ZNF804B: variants seen among roughly 807,000 people sequenced by gnomAD.
ZNF804B encodes the protein zinc finger 804B.
In ZNF804B, 80 loss-of-function variants were observed where a neutral mutation model predicts 101.4. That is an observed-to-expected ratio of 0.79 (90% CI 0.66 to 0.95). The LOEUF (loss-of-function observed/expected upper bound fraction) is 0.95, where lower values mean the gene tolerates loss of function less well. Ranked by LOEUF, ZNF804B falls within the 40% of genes least tolerant of loss-of-function variation. The pLI, the probability that ZNF804B is intolerant of heterozygous loss-of-function variation, is 0.00. For synonymous variants in ZNF804B, 622 were observed against 558.8 expected (o/e 1.11, Z -1.59); for missense variants, 1,673 against 1,561.9 (o/e 1.07, Z -1.20).
At chr7:89,115,749 C>T (rs914041493) in intron 1 of ZNF804B, among the ~76,000 whole-genome samples, 9 of 152,066 alleles carry the variant, frequency 5.9e-5, no homozygotes, top group Non-Finnish European at 4.4e-5. Flanking sequence ...GTGCAATGAA[C>T]TTTAGTATGA....
At chr7:88,863,405 C>T (rs1049052051) in intron 1 of ZNF804B, among the ~76,000 whole-genome samples, 3 of 152,110 alleles carry the variant, frequency 2.0e-5, no homozygotes, top group Admixed American at 6.6e-5. Context: ...TAATTATATT[C>T]ACTCATTGAA....
At chr7:88,811,465 A>C (rs1274027686) in intron 1 of ZNF804B, among the ~76,000 whole-genome samples, 1 of 152,194 alleles carries the variant, frequency 6.6e-6, no homozygotes, top group East Asian at 1.9e-4. Flanking sequence ...TAGCAATCCC[A>C]TTACTGTGTA....
intron 1 of ZNF804B, among the ~76,000 whole-genome samples, chr7:89,151,786 G>A (rs893297275): frequency 6.6e-6 from 1 of 152,048 alleles, no homozygotes; most frequent in African/African-American, 2.4e-5. Context: ...CTTTAACATG[G>A]CAATGGTATG....
chr7:89,073,727 A>G (rs1313324823), intron 1 of ZNF804B, among the ~76,000 whole-genome samples: 1 of 152,020 alleles, frequency 6.6e-6, no homozygotes, highest in African/African-American at 2.4e-5. Context: ...GTTATGTGGA[A>G]CTCATCTGTG....
At chr7:89,023,509 G>C (rs149490759) in intron 1 of ZNF804B, among the ~76,000 whole-genome samples, 13 of 152,100 alleles carry the variant, frequency 8.5e-5, no homozygotes, top group Non-Finnish European at 1.5e-4. Context: ...ATGGCATTTT[G>C]GTCCTTAAAT....
intron 1 of ZNF804B, among the ~76,000 whole-genome samples, chr7:89,027,016 A>T (rs986018123): frequency 1.1e-4 from 16 of 152,146 alleles, no homozygotes; most frequent in Non-Finnish European, 2.2e-4. Flanking sequence ...CCTGAGAAAT[A>T]TCAATATTTG....
At chr7:89,077,722 A>C (rs1789635541) in intron 1 of ZNF804B, among the ~76,000 whole-genome samples, 1 of 152,148 alleles carries the variant, frequency 6.6e-6, no homozygotes, top group Non-Finnish European at 1.5e-5. Flanking sequence ...ATTTTTGAAT[A>C]AAAGATGTTA....
Position 88,759,972 on chromosome 7 carries a change from C to T in ZNF804B, c.-5C>T, listed in dbSNP as rs750682211. 1 of 1,613,786 alleles carries T rather than the reference C, an allele frequency of 6.2e-7. No individual in the cohort carries two copies. Among genetic ancestry groups the T allele is most frequent in the Non-Finnish European group, 8.5e-7 (1 of 1,179,676 alleles). ...TTGAGACTCTGCGCCTCCGCCCGGACCCACATGGCTTGTTACCTGGTCATC... is the reference window on the plus strand; with the variant it reads ...TTGAGACTCTGCGCCTCCGCCCGGATCCACATGGCTTGTTACCTGGTCATC... On this transcript the variant is annotated 5_prime_UTR_variant, in exon 1 of 4. Coordinates refer to ENST00000333190, the MANE Select transcript of ZNF804B (RefSeq NM_181646.5).
chr7:89,198,811 A>G (rs1191445637), intron 1 of ZNF804B, among the ~76,000 whole-genome samples: 6 of 148,494 alleles, frequency 4.0e-5, no homozygotes, highest in Non-Finnish European at 9.1e-5. Flanking sequence ...GCAGAAATCC[A>G]AAAGACACAG....
At chr7:88,910,587 A>C (rs1220400756) in intron 1 of ZNF804B, among the ~76,000 whole-genome samples, 2 of 151,884 alleles carry the variant, frequency 1.3e-5, no homozygotes, top group African/African-American at 4.8e-5. Flanking sequence ...ATGCTCATTC[A>C]ATGTAGATAA....
At chr7:88,923,260 T>C (rs1792750857) in intron 1 of ZNF804B, among the ~76,000 whole-genome samples, 1 of 152,092 alleles carries the variant, frequency 6.6e-6, no homozygotes, top group South Asian at 2.1e-4. Flanking sequence ...TTTGGGGGTA[T>C]CTGCCATAGA....
chr7:88,917,116 T>C (rs1792643765), intron 1 of ZNF804B, among the ~76,000 whole-genome samples: 1 of 151,848 alleles, frequency 6.6e-6, no homozygotes, highest in Non-Finnish European at 1.5e-5. Context: ...AATACAAAAA[T>C]TAGCCGGATG....
In ZNF804B at chr7:89,208,082, G is replaced by GTTT. The variant is rs71526636; in HGVS notation, c.109-10058_109-10056dup. 5.3e-3 allele frequency among the ~76,000 whole-genome samples: 750 copies of GTTT among 142,222 alleles called. 13 individuals are homozygous for GTTT. The highest frequency in any genetic ancestry group is 9.7e-3 in the Non-Finnish European group (636 of 65,816). 93.3% of individuals were successfully genotyped at this position (142,222 alleles called of 152,430 possible). A position where few individuals can be genotyped will look rare whatever the true frequency, so the allele number is the denominator to read the frequency against. Reference sequence around the variant, plus strand: ...TGTGTTATATTTACTATTTTATTGGGTTTTTTTTTTTTTTTTTGAGACAGA... The same window carrying GTTT: ...TGTGTTATATTTACTATTTTATTGGGTTTTTTTTTTTTTTTTTTTTGAGACAGA... On this transcript the variant is annotated intron_variant, in intron 1 of 3. Transcript: ENST00000333190.
chr7:88,913,201 C>G (rs545110266), intron 1 of ZNF804B, among the ~76,000 whole-genome samples: 74 of 152,048 alleles, frequency 4.9e-4, no homozygotes, highest in African/African-American at 1.7e-3. Flanking sequence ...ATGATTCCTA[C>G]CAGTTAAGAC....
intron 1 of ZNF804B, among the ~76,000 whole-genome samples, chr7:88,830,098 A>T (rs1414544832): frequency 6.6e-6 from 1 of 152,100 alleles, no homozygotes; most frequent in Non-Finnish European, 1.5e-5. Context: ...CTCAAATGAG[A>T]ATAAGAGGGA....
At chr7:88,770,547 T>C (rs1025038710) in intron 1 of ZNF804B, among the ~76,000 whole-genome samples, 1 of 152,222 alleles carries the variant, frequency 6.6e-6, no homozygotes, top group African/African-American at 2.4e-5. Context: ...AATAAATTGA[T>C]GTTGCATTAA....
In ZNF804B at chr7:88,878,023, C is replaced by A. The variant is rs573865366; in HGVS notation, c.108+117939C>A. Among the ~76,000 whole-genome samples, 6 of 152,152 alleles carry A rather than the reference C, an allele frequency of 3.9e-5. No homozygotes were observed. The South Asian group carries it at 1.2e-3, about 32-fold the overall frequency. On this transcript the variant is annotated intron_variant, in intron 1 of 3. Coordinates refer to ENST00000333190, the MANE Select transcript of ZNF804B (RefSeq NM_181646.5). ...TATTGTAAAAAAGATGCGGTTAAAT[C>A]ATCATTGGCCATTGCAAGTAAAATT... is the stretch of plus-strand genomic sequence containing the variant.
Position 89,200,374 on chromosome 7 carries a change from TC to T in ZNF804B, c.109-17779del, listed in dbSNP as rs1403610134. Among the ~76,000 whole-genome samples the T allele has an allele frequency of 5.9e-5, 9 of 152,110 alleles. No individual in the cohort carries two copies. In the South Asian group the frequency reaches 1.2e-3, roughly 21 times the overall value. On this transcript the variant is annotated intron_variant, in intron 1 of 3. Coordinates refer to ENST00000333190, the MANE Select transcript of ZNF804B (RefSeq NM_181646.5). ...TTAATACATAGTTGGTGAATTTATT[TC>T]CACCCTTAGGATTCCTGTCCTGGTT...
chr7:89,167,064 T>C (rs1791154998), intron 1 of ZNF804B, among the ~76,000 whole-genome samples: 1 of 152,190 alleles, frequency 6.6e-6, no homozygotes, highest in Non-Finnish European at 1.5e-5. Flanking sequence ...CATTTTTTAA[T>C]GCATTTATGA....
Sources: gnomAD v4.1 joint callset for allele counts (sites outside exome capture counted in the v4.1 genomes callset) on GRCh38, gnomAD v4.1.1 for gene constraint, MANE v1.5 for transcripts, NCBI Gene and HGNC (gene_info 2026-07-23, HGNC 2026-07-21) for gene names.